The following AGBL1 variants were observed in gnomAD, a reference collection of about 807,000 sequenced individuals.
AGBL1 encodes the protein AGBL carboxypeptidase 1.
In AGBL1, 130 loss-of-function variants were observed where a neutral mutation model predicts 118.9. The ratio of observed to expected loss-of-function variants is 1.09; its 90% confidence interval spans 0.95 to 1.26. AGBL1 has a LOEUF of 1.26. Ranked by LOEUF, AGBL1 falls within the 50% of genes most tolerant of loss-of-function variation. The probability of loss-of-function intolerance (pLI) is 0.00; values close to 1 mark genes in which losing one functional copy is unlikely to be tolerated. For missense variants in AGBL1, 1,584 were observed against 1,298.1 expected (o/e 1.22, Z -3.38); for synonymous variants, 555 against 478.9 (o/e 1.16, Z -2.08).
chr15:86,780,402 G>A (rs138326905), intron 22 of AGBL1, among the ~76,000 whole-genome samples: 1 of 152,040 alleles, frequency 6.6e-6, no homozygotes, highest in South Asian at 2.1e-4. Flanking sequence ...ATCTTATTGG[G>A]TATGTCCTTC....
intron 22 of AGBL1, among the ~76,000 whole-genome samples, chr15:86,838,951 A>AAG: frequency 6.8e-6 from 1 of 147,094 alleles, no homozygotes; most frequent in East Asian, 2.0e-4. Flanking sequence ...TAAAAAAAAA[A>AAG]AAAAAAAAAA....
intron 8 of AGBL1, 73 bp from the exon 9 acceptor site, chr15:86,257,891 T>A: frequency 6.9e-7 from 1 of 1,450,662 alleles, no homozygotes; most frequent in South Asian, 1.2e-5. Flanking sequence ...AACCACTGTA[T>A]GGTGAAAATC....
At chr15:86,356,108 G>A (rs1022607336) in intron 17 of AGBL1, among the ~76,000 whole-genome samples, 3 of 152,102 alleles carry the variant, frequency 2.0e-5, no homozygotes, top group Non-Finnish European at 2.9e-5. Context: ...CTAATTTATG[G>A]TAAGCAAGAG....
intron 23 of AGBL1, among the ~76,000 whole-genome samples, chr15:86,974,444 ATT>A (rs1394318868): frequency 1.6e-5 from 2 of 125,924 alleles, no homozygotes; most frequent in Non-Finnish European, 3.3e-5. Context: ...ATATAAACAT[ATT>A]TTATATATTG....
At chr15:86,988,068 C>G (rs576322430) in exon 24 of AGBL1, 1 of 1,613,562 alleles carries the variant, frequency 6.2e-7, no homozygotes, top group Middle Eastern at 1.6e-4. Flanking sequence ...TCAAGATGAA[C>G]CTTCTTCTGC....
chr15:86,612,491 G>A (rs2084671255), intron 21 of AGBL1, among the ~76,000 whole-genome samples: 1 of 151,980 alleles, frequency 6.6e-6, no homozygotes, highest in African/African-American at 2.4e-5. Flanking sequence ...TCCTCCCTTC[G>A]GAGTTTAGAC....
At chr15:86,669,780 G>A (rs575009805) in intron 21 of AGBL1, among the ~76,000 whole-genome samples, 61 of 152,052 alleles carry the variant, frequency 4.0e-4, no homozygotes, top group South Asian at 6.2e-4. Context: ...ATAGAGCCCC[G>A]TCTCCTGGAA....
rs983028106 is a variant in AGBL1 at position 86,911,216 on chromosome 15, T to G, written c.*3922T>G. ...CTGTACCAACTGTCATCCGGTGCTC[T>G]GCATGCAGGACTGGAACTGGGGCTG... is the stretch of plus-strand genomic sequence containing the variant. On this transcript the variant is annotated 3_prime_UTR_variant, in exon 23 of 23. Coordinates refer to ENST00000614907, the MANE Select transcript of AGBL1 (RefSeq NM_001386094.1). 10 of 152,816 alleles carry G rather than the reference T, an allele frequency of 6.5e-5. No homozygotes were observed. The highest frequency in any genetic ancestry group is 2.6e-4 in the Admixed American group (4 of 15,282). 9.5% of individuals were successfully genotyped at this position (152,816 alleles called of 1,614,324 possible). A position where few individuals can be genotyped will look rare whatever the true frequency, so the allele number is the denominator to read the frequency against.
At chr15:87,025,039 A>AGTT (rs979469536) in intron 24 of AGBL1, among the ~76,000 whole-genome samples, 9 of 152,048 alleles carry the variant, frequency 5.9e-5, no homozygotes, top group Non-Finnish European at 1.3e-4. Context: ...AATGGGGAAA[A>AGTT]GTTGAAAGCA....
chr15:86,179,441 A>G (rs2077523863), intron 5 of AGBL1, among the ~76,000 whole-genome samples: 1 of 152,220 alleles, frequency 6.6e-6, no homozygotes. Flanking sequence ...TGATTATATA[A>G]AAAATTAAGA....
At chr15:86,225,285 A>C (rs2141931813) in intron 6 of AGBL1, among the ~76,000 whole-genome samples, 2 of 152,192 alleles carry the variant, frequency 1.3e-5, no homozygotes, top group East Asian at 3.9e-4. Context: ...CAGAGCCAGC[A>C]GTCCCTAAAG....
intron 21 of AGBL1, among the ~76,000 whole-genome samples, chr15:86,649,792 T>C (rs979115816): frequency 4.0e-5 from 6 of 151,826 alleles, no homozygotes. Flanking sequence ...GCTTATAATA[T>C]AATGCCTATG....
intron 21 of AGBL1, chr15:86,556,223 T>C: frequency 1.2e-6 from 2 of 1,612,138 alleles, no homozygotes; most frequent in African/African-American, 1.3e-5. Flanking sequence ...TACTGTGCAG[T>C]GTACACAGAG....
chr15:86,562,650 G>C (rs897694357), intron 21 of AGBL1, among the ~76,000 whole-genome samples: 1 of 152,162 alleles, frequency 6.6e-6, no homozygotes, highest in Non-Finnish European at 1.5e-5. Flanking sequence ...GGATGATGCT[G>C]GCCTCATAAA....
At chr15:86,559,924 C>T (rs1354330499) in intron 21 of AGBL1, among the ~76,000 whole-genome samples, 2 of 152,088 alleles carry the variant, frequency 1.3e-5, no homozygotes, top group Non-Finnish European at 2.9e-5. Context: ...AGCAGATCTG[C>T]AGCAACAGGT....
chr15:86,753,273 C>A (rs12901259), intron 22 of AGBL1, among the ~76,000 whole-genome samples: 28,084 of 151,798 alleles, frequency 0.19, 3,156 homozygotes, highest in Non-Finnish European at 0.25. Flanking sequence ...GGACTCTGAC[C>A]AATGATGAGG....
At chr15:86,670,117 C>T (rs2142539008) in intron 21 of AGBL1, among the ~76,000 whole-genome samples, 1 of 152,116 alleles carries the variant, frequency 6.6e-6, no homozygotes, top group South Asian at 2.1e-4. Flanking sequence ...ATAATACTGT[C>T]ATAATATACA....
At chr15:86,739,473 A>G (rs1207266934) in intron 22 of AGBL1, among the ~76,000 whole-genome samples, 1 of 148,208 alleles carries the variant, frequency 6.7e-6, no homozygotes, top group Non-Finnish European at 1.5e-5. Context: ...AAAGTAAAAG[A>G]GAAAAAAAAA....
chr15:86,746,282 A>G (rs889021693), intron 22 of AGBL1, among the ~76,000 whole-genome samples: 3 of 152,098 alleles, frequency 2.0e-5, no homozygotes, highest in Non-Finnish European at 4.4e-5. Context: ...AAACCCATCC[A>G]TATTGAAAAG....
Sources: allele counts gnomAD v4.1 joint callset (sites outside exome capture counted in the v4.1 genomes callset), GRCh38; gene constraint gnomAD v4.1.1; transcripts MANE v1.5; gene names NCBI Gene and HGNC (gene_info 2026-07-23, HGNC 2026-07-21).